MYLK4: variants seen among roughly 807,000 people sequenced by gnomAD.
The protein encoded by MYLK4 is caMLCK like.
MYLK4 carries 46 observed loss-of-function variants against 48.1 expected under a neutral mutation model. The observed-to-expected ratio is 0.96, with a 90% CI of 0.75 to 1.22. The LOEUF (loss-of-function observed/expected upper bound fraction) is 1.22. Ranked by LOEUF, MYLK4 falls within the 50% of genes most tolerant of loss-of-function variation. MYLK4 has a pLI of 0.00. For synonymous variants in MYLK4, 170 were observed against 180.8 expected (o/e 0.94, Z 0.48); for missense variants, 451 against 486.1 (o/e 0.93, Z 0.68).
Position 2,749,045 on chromosome 6 carries a change from T to A in MYLK4, c.159+91A>T, listed in dbSNP as rs564558056. ...TGGAATGATGCCTATTCATAAACTTTCCTTAATTGTACTCACAAGCGGCTC... is the reference window on the plus strand; with the variant it reads ...TGGAATGATGCCTATTCATAAACTTACCTTAATTGTACTCACAAGCGGCTC... On this transcript the variant is annotated intron_variant, in intron 2 of 12. Transcript: ENST00000274643. 1.2e-5 allele frequency: 15 copies of A among 1,206,332 alleles called. No individual in the cohort carries two copies. In the South Asian group the frequency reaches 2.1e-4, roughly 17 times the overall value. 74.7% of individuals were successfully genotyped at this position (1,206,332 alleles called of 1,614,324 possible).
At chr6:2,748,217 T>C (rs1390402989) in intron 2 of MYLK4, among the ~76,000 whole-genome samples, 1 of 152,222 alleles carries the variant, frequency 6.6e-6, no homozygotes, top group Non-Finnish European at 1.5e-5. Flanking sequence ...TTCACTTAAA[T>C]AGATCTGTGC....
chr6:2,728,577 T>A (rs2113316271), intron 2 of MYLK4, among the ~76,000 whole-genome samples: 1 of 152,290 alleles, frequency 6.6e-6, no homozygotes, highest in East Asian at 1.9e-4. Context: ...CATCTGTCTT[T>A]CCTCATCCTC....
chr6:2,761,408 CAAAGCAATCTAAG>C, the MYLK4 span, among the ~76,000 whole-genome samples: 2 of 152,092 alleles, frequency 1.3e-5, no homozygotes, highest in African/African-American at 4.8e-5. Flanking sequence ...ATTTGATTGG[CAAAGCAATCTAAG>C]AGGAGGGGTG....
intron 2 of MYLK4, among the ~76,000 whole-genome samples, chr6:2,747,663 C>CTAAA (rs1764145237): frequency 6.6e-6 from 1 of 152,152 alleles, no homozygotes; most frequent in South Asian, 2.1e-4. Flanking sequence ...TTATCTCACT[C>CTAAA]TTTAGAGTGT....
rs1762184790 is a variant in MYLK4, at chr6:2,699,282, C to CTTTTTTTTTTTTTTTTTTTT, written c.160-6424_160-6423insAAAAAAAAAAAAAAAAAAAA. 1.1e-4 allele frequency among the ~76,000 whole-genome samples: 7 copies of CTTTTTTTTTTTTTTTTTTTT among 63,572 alleles called. 1 individual carries two copies. The highest frequency in any genetic ancestry group is 4.3e-4 in the African/African-American group (7 of 16,320). 41.7% of individuals were successfully genotyped at this position (63,572 alleles called of 152,430 possible). ...GAAAGCATGCTACCACTTTTCTTTT[C>CTTTTTTTTTTTTTTTTTTTT]TTTTCTTTTTTTTTTTTTTTTTTTT... On this transcript the variant is annotated intron_variant, in intron 2 of 12. Transcript: ENST00000274643.
Position 2,679,353 on chromosome 6 carries a change from G to A in MYLK4, c.814C>T (p.Pro272Ser), listed in dbSNP as rs140266941. ...ACAAAATCATAGTTCACAACTTCAG[G>A]GGCGAGAAATTCTGGGGTTCCAAAG... Reference protein sequence around the residue: ...VNFGTPEFLAPEVVNYDFVSF... With the variant: ...VNFGTPEFLASEVVNYDFVSF... The change falls in exon 9 of 13, where the codon CCT becomes TCT. Residue 272 changes from proline (P) to serine (S), a missense_variant. Coordinates refer to ENST00000274643, the MANE Select transcript of MYLK4 (RefSeq NM_001012418.5). The A allele has an allele frequency of 2.4e-5, 39 of 1,614,126 alleles. No homozygotes were observed. The Admixed American group carries it at 6.0e-4, about 25-fold the overall frequency.
chr6:2,759,386 C>T, the MYLK4 span, among the ~76,000 whole-genome samples: 1 of 152,210 alleles, frequency 6.6e-6, no homozygotes, highest in Non-Finnish European at 1.5e-5. Context: ...GGATTACAGA[C>T]ATGAACCACT....
chr6:2,707,745 A>G (rs1762541706), intron 2 of MYLK4, among the ~76,000 whole-genome samples: 1 of 152,200 alleles, frequency 6.6e-6, no homozygotes, highest in African/African-American at 2.4e-5. Context: ...TTTAAAGAAA[A>G]CGAACCAAAT....
intron 10 of MYLK4, 31 bp from the exon 11 acceptor site, chr6:2,675,156 A>T: frequency 3.3e-6 from 5 of 1,536,248 alleles, no homozygotes; most frequent in Non-Finnish European, 4.5e-6. Flanking sequence ...TGATTAGTAG[A>T]AACACACCGA....
chr6:2,736,594 T>C (rs1216687096), intron 2 of MYLK4, among the ~76,000 whole-genome samples: 1 of 152,242 alleles, frequency 6.6e-6, no homozygotes, highest in Non-Finnish European at 1.5e-5. Flanking sequence ...CAATGATAAG[T>C]CATTATGTTA....
chr6:2,689,641 T>C (rs939643570), intron 3 of MYLK4, among the ~76,000 whole-genome samples: 2 of 152,236 alleles, frequency 1.3e-5, no homozygotes, highest in African/African-American at 2.4e-5. Context: ...CTCAGGGATA[T>C]TCCTCCCAGT....
In MYLK4 at chr6:2,685,609, C is replaced by A. The variant is rs1761506193; in HGVS notation, c.342-33G>T. The A allele has an allele frequency of 1.2e-6, 2 of 1,605,096 alleles. No homozygotes were observed. The highest frequency in any genetic ancestry group is 2.7e-5 in the African/African-American group (2 of 74,796). ...AAAGAGGAAGCGGCGTAGCATGAGG[C>A]CCTGTGGTCAGCTGCCGAGTGGACA... is the stretch of plus-strand genomic sequence containing the variant. On this transcript the variant is annotated intron_variant, in intron 4 of 12. Transcript: ENST00000274643. This position sits in a 1 kb window ranked among gnomAD's most constrained non-coding sequence, Gnocchi z 4.5.
chr6:2,703,170 G>A (rs1762358365), intron 2 of MYLK4, among the ~76,000 whole-genome samples: 2 of 152,072 alleles, frequency 1.3e-5, no homozygotes, highest in African/African-American at 4.8e-5. Flanking sequence ...CCAGGACCCT[G>A]GTCCAATGCA....
chr6:2,728,334 C>T (rs1431659680), intron 2 of MYLK4, among the ~76,000 whole-genome samples: 3 of 152,124 alleles, frequency 2.0e-5, no homozygotes, highest in Non-Finnish European at 4.4e-5. Context: ...TGAGAGGGGT[C>T]TGAGTCCCCG....
chr6:2,737,505 G>A (rs1763720369), intron 2 of MYLK4, among the ~76,000 whole-genome samples: 1 of 152,204 alleles, frequency 6.6e-6, no homozygotes, highest in African/African-American at 2.4e-5. Flanking sequence ...TTAGAGGACA[G>A]TTGGGGTGGG....
intron 2 of MYLK4, among the ~76,000 whole-genome samples, chr6:2,723,633 T>C (rs1763147147): frequency 6.6e-6 from 1 of 152,210 alleles, no homozygotes; most frequent in African/African-American, 2.4e-5. Context: ...CAGAGCACCT[T>C]GTAAACTTAC....
chr6:2,667,494 G>T lies in MYLK4; in HGVS notation c.*431C>A, dbSNP rs1188519032. On this transcript the variant is annotated 3_prime_UTR_variant, in exon 13 of 13. Transcript: ENST00000274643. The stretch of plus-strand genomic sequence containing the variant: ...CCCCTTCCAAAGGCATAGTCTAATG[G>T]CTGGAAGTAGCTTTCTCCCTCTAAA... 1.3e-5 allele frequency: 2 copies of T among 152,184 alleles called. No homozygotes were observed. Among genetic ancestry groups the T allele is most frequent in the East Asian group, 1.9e-4 (1 of 5,198 alleles). The allele number at this position is 152,184 out of a possible 1,614,324, so 9.4% of individuals were successfully genotyped here. A position where few individuals can be genotyped will look rare whatever the true frequency, so the allele number is the denominator to read the frequency against.
Position 2,685,463 on chromosome 6 carries a change from C to T in MYLK4, c.435+20G>A. 1.9e-6 allele frequency: 3 copies of T among 1,610,612 alleles called. No homozygotes were observed. Among genetic ancestry groups the T allele is most frequent in the Non-Finnish European group, 2.5e-6 (3 of 1,176,878 alleles). ...CAAGATGGGGCGGGGAGGGAGGGGA[C>T]CACCTCCCACAGGCTGTACCTTGTC... On this transcript the variant is annotated intron_variant, in intron 5 of 12. Transcript: ENST00000274643. The surrounding 1 kb of genome is among the most constrained non-coding windows in gnomAD (Gnocchi z 4.5).
In MYLK4 at chr6:2,685,239, G is replaced by A. The variant is rs1464016377; in HGVS notation, c.545+57C>T. The A allele has an allele frequency of 3.9e-5, 52 of 1,319,824 alleles. No homozygotes were observed. The South Asian group carries it at 5.3e-4, about 14-fold the overall frequency. The allele number at this position is 1,319,824 out of a possible 1,614,324, so 81.8% of individuals were successfully genotyped here. On this transcript the variant is annotated intron_variant, in intron 6 of 12. Transcript: ENST00000274643. The surrounding 1 kb of genome is among the most constrained non-coding windows in gnomAD (Gnocchi z 4.5). The stretch of plus-strand genomic sequence containing the variant: ...CAGCAGGACGGAGCTACTGAGGCAC[G>A]GTCACGGTCATGAGTGCCCTTGGGG...
Sources: gnomAD v4.1 joint callset for allele counts (sites outside exome capture counted in the v4.1 genomes callset) on GRCh38, gnomAD v4.1.1 for gene constraint, Gnocchi (gnomAD v3.1) non-coding constraint, MANE v1.5 for transcripts, NCBI Gene and HGNC (gene_info 2026-07-23, HGNC 2026-07-21) for gene names.